The following ARFGEF2 variants were observed in gnomAD, a reference collection of about 807,000 sequenced individuals.
ARFGEF2 encodes brefeldin A-inhibited guanine nucleotide-exchange protein 2.
A neutral mutation model predicts 219.9 loss-of-function variants in ARFGEF2; 74 were observed. That is an observed-to-expected ratio of 0.34 (90% confidence interval 0.28 to 0.41). The LOEUF (loss-of-function observed/expected upper bound fraction) is 0.41. ARFGEF2 is among the 10% of genes least tolerant of loss of function. The pLI, the probability that ARFGEF2 is intolerant of heterozygous loss-of-function variation, is 1.00. For missense variants in ARFGEF2, 1,743 were observed against 2,218.3 expected (o/e 0.79, Z 4.30); for synonymous variants, 733 against 799.2 (o/e 0.92, Z 1.40).
At chr20:48,953,396 G>A (rs547539042) in intron 5 of ARFGEF2, among the ~76,000 whole-genome samples, 160 bp from the exon 6 acceptor site, 2 of 151,912 alleles carry the variant, frequency 1.3e-5, no homozygotes, top group Non-Finnish European at 2.9e-5. Context: ...GGTTGGTCTC[G>A]AACTCCTGGG....
At chr20:48,956,207 A>G (rs2091104728) in intron 6 of ARFGEF2, among the ~76,000 whole-genome samples, 1 of 152,274 alleles carries the variant, frequency 6.6e-6, no homozygotes, top group Admixed American at 6.5e-5. Context: ...ACTGTCCTGT[A>G]GTAATCACCA....
intron 15 of ARFGEF2, 148 bp downstream of exon 15, chr20:48,984,988 T>A (rs1434239278): frequency 7.1e-7 from 1 of 1,416,952 alleles, no homozygotes; most frequent in Non-Finnish European, 9.7e-7. Context: ...CACCCCCGGG[T>A]TACAGCAGTC....
Position 49,012,005 on chromosome 20 carries a change from A to G in ARFGEF2, c.3839A>G (p.Asn1280Ser). 3 of 1,614,202 alleles carry G rather than the reference A, an allele frequency of 1.9e-6. 1 individual carries two copies. Among genetic ancestry groups the G allele is most frequent in the South Asian group, 2.2e-5 (2 of 91,084 alleles). ...AVKCLSEFAC[N>S]AAFPDTSMEA... ...AAGTGCTTATCAGAGTTCGCCTGCA[A>G]CGCCGCTTTCCCTGACACGAGCATG... The change falls in exon 28 of 39, where the codon AAC becomes AGC. Residue 1280 changes from asparagine (N) to serine (S), a missense_variant. Around this residue, in one of 5 missense-constraint regions of ARFGEF2, gnomAD observed 578 missense variants for 664.0 expected, o/e 0.87. Coordinates refer to ENST00000371917, the MANE Select transcript of ARFGEF2 (RefSeq NM_006420.3).
chr20:48,975,961 C>T, intron 13 of ARFGEF2, 55 bp from the exon 14 acceptor site: 1 of 1,595,616 alleles, frequency 6.3e-7, no homozygotes, highest in Non-Finnish European at 8.6e-7. Flanking sequence ...CCTAGCTCGG[C>T]TGTGTCTGTG....
At chr20:49,011,858 C>T (rs977966904) in intron 27 of ARFGEF2, 66 bp from the exon 28 acceptor site, 20 of 1,532,354 alleles carry the variant, frequency 1.3e-5, no homozygotes, top group Non-Finnish European at 1.4e-5. Context: ...TGTGCACGCA[C>T]GTGCATTTTT....
Position 48,994,431 on chromosome 20 carries a change from T to A in ARFGEF2, c.2974-20T>A. 1.9e-6 allele frequency: 3 copies of A among 1,613,776 alleles called. No individual in the cohort carries two copies. The highest frequency in any genetic ancestry group is 2.5e-6 in the Non-Finnish European group (3 of 1,180,028). Reference sequence around the variant, plus strand: ...AGCTGTAAGGTAGGAACTCATTTCTTCATGCCTTCTTTCTCTTAGATCTTG... The same window carrying A: ...AGCTGTAAGGTAGGAACTCATTTCTACATGCCTTCTTTCTCTTAGATCTTG... On this transcript the variant is annotated intron_variant, in intron 21 of 38. Transcript: ENST00000371917.
intron 28 of ARFGEF2, among the ~76,000 whole-genome samples, chr20:49,012,441 C>A (rs1403248116): frequency 6.6e-6 from 1 of 152,098 alleles, no homozygotes; most frequent in Non-Finnish European, 1.5e-5. Context: ...TTGTAATGTG[C>A]CTGAGAAATC....
chr20:48,947,686 C>T (rs2091036940), intron 3 of ARFGEF2, among the ~76,000 whole-genome samples: 1 of 152,136 alleles, frequency 6.6e-6, no homozygotes, highest in Admixed American at 6.6e-5. Flanking sequence ...CATGGGGTGC[C>T]TGTACTAAAA....
At chr20:48,967,676 C>T (rs1392656304) in intron 8 of ARFGEF2, among the ~76,000 whole-genome samples, 3 of 152,174 alleles carry the variant, frequency 2.0e-5, no homozygotes, top group Non-Finnish European at 4.4e-5. Context: ...AGGCTTTTGA[C>T]ATTTAACACC....
intron 23 of ARFGEF2, among the ~76,000 whole-genome samples, chr20:48,997,701 G>C (rs563489365): frequency 6.6e-6 from 1 of 152,220 alleles, no homozygotes; most frequent in Non-Finnish European, 1.5e-5. Flanking sequence ...GGAGGTGTCA[G>C]ACCTGATGTT....
Position 48,991,158 on chromosome 20 carries a change from C to T in ARFGEF2, c.2933C>T (p.Ala978Val). ...ACCATTAAGACGCTTATCACAGTGGCTCACACCGATGGCAACTACCTTGGG... is the reference window on the plus strand; with the variant it reads ...ACCATTAAGACGCTTATCACAGTGGTTCACACCGATGGCAACTACCTTGGG... ...IDTIKTLITV[A>V]HTDGNYLGNS... The change falls in exon 21 of 39, where the codon GCT becomes GTT. Residue 978 changes from alanine to valine, a missense_variant. Around this residue, in one of 5 missense-constraint regions of ARFGEF2, gnomAD observed 666 missense variants for 955.4 expected, o/e 0.70. Transcript: ENST00000371917. 2 of 1,614,180 alleles carry T rather than the reference C, an allele frequency of 1.2e-6. No individual in the cohort carries two copies. The highest frequency in any genetic ancestry group is 2.2e-5 in the East Asian group (1 of 44,884).
chr20:49,025,359 G>A lies in ARFGEF2; in HGVS notation c.4802G>A (p.Gly1601Asp), dbSNP rs1450319534. 6.2e-7 allele frequency: 1 copy of A among 1,613,884 alleles called. No individual in the cohort carries two copies. Among genetic ancestry groups the A allele is most frequent in the Non-Finnish European group, 8.5e-7 (1 of 1,179,892 alleles). The change falls in exon 36 of 39, where the codon GGC becomes GAC. Residue 1601 changes from glycine (G) to aspartate (D), a missense_variant. This residue lies in a region of ARFGEF2 where 578 missense variants were observed against 664.0 expected (regional missense o/e 0.87). Coordinates refer to ENST00000371917, the MANE Select transcript of ARFGEF2 (RefSeq NM_006420.3). ...ATCCACATAGAGACGGAGGATCAGG[G>A]CATGTATAAGTACATGTCTTCCCAG... ...ADIHIETEDQ[G>D]MYKYMSSQHL...
intron 33 of ARFGEF2, among the ~76,000 whole-genome samples, chr20:49,018,612 C>T (rs939179866): frequency 1.3e-5 from 2 of 152,180 alleles, no homozygotes; most frequent in Non-Finnish European, 2.9e-5. Context: ...AAATTTGTCA[C>T]ACTTATTGTT....
At chr20:48,950,906 T>C (rs2091066914) in intron 3 of ARFGEF2, among the ~76,000 whole-genome samples, 2 of 147,828 alleles carry the variant, frequency 1.4e-5, no homozygotes, top group African/African-American at 5.0e-5. Flanking sequence ...TTTAGTTTAT[T>C]GACAGAGTTG....
At chr20:48,945,351 A>G (rs906175936) in intron 3 of ARFGEF2, among the ~76,000 whole-genome samples, 3 of 152,178 alleles carry the variant, frequency 2.0e-5, no homozygotes, top group Non-Finnish European at 4.4e-5. Flanking sequence ...GCAGAGCCTA[A>G]ACATTTAGTA....
chr20:49,028,217 C>A (rs2091614606), intron 36 of ARFGEF2, among the ~76,000 whole-genome samples: 1 of 152,016 alleles, frequency 6.6e-6, no homozygotes, highest in Non-Finnish European at 1.5e-5. Context: ...GAGATAATGC[C>A]ATTGCACTCC....
intron 20 of ARFGEF2, among the ~76,000 whole-genome samples, chr20:48,990,339 A>C (rs185434498): frequency 6.6e-6 from 1 of 152,090 alleles, no homozygotes; most frequent in Admixed American, 6.5e-5. Context: ...CATATTTCCA[A>C]CTCTTCCCTG....
At chr20:48,950,826 A>C (rs1403750766) in intron 3 of ARFGEF2, among the ~76,000 whole-genome samples, 1 of 122,290 alleles carries the variant, frequency 8.2e-6, no homozygotes, top group Non-Finnish European at 1.6e-5. Context: ...ATATATATAT[A>C]TATATATATA....
At chr20:48,999,425 G>A (rs138282108) in intron 25 of ARFGEF2, among the ~76,000 whole-genome samples, 57 of 151,766 alleles carry the variant, frequency 3.8e-4, no homozygotes, top group African/African-American at 1.3e-3. Flanking sequence ...GTTTTATCAC[G>A]GCCAAAAAAC....
Sources: gnomAD v4.1 joint callset for allele counts (sites outside exome capture counted in the v4.1 genomes callset) on GRCh38, gnomAD v4.1.1 for gene constraint, gnomAD v4.1.1 regional missense constraint, MANE v1.5 for transcripts, NCBI Gene and HGNC (gene_info 2026-07-23, HGNC 2026-07-21) for gene names.